CHN1: variants seen among roughly 807,000 people sequenced by gnomAD.
CHN1 encodes N-chimaerin.
CHN1 carries 37 observed loss-of-function variants against 59.5 expected under a neutral mutation model. The ratio of observed to expected loss-of-function variants is 0.62; its 90% CI spans 0.48 to 0.82. The LOEUF is 0.82. CHN1 is among the 40% of genes least tolerant of loss of function. The pLI is 0.00. For synonymous variants in CHN1, 206 were observed against 200.4 expected (o/e 1.03, Z -0.24); for missense variants, 469 against 571.0 (o/e 0.82, Z 1.82).
chr2:174,935,191 T>A (rs1010933128), intron 3 of CHN1, among the ~76,000 whole-genome samples: 2 of 152,194 alleles, frequency 1.3e-5, no homozygotes, highest in African/African-American at 4.8e-5. Context: ...TCAAGGTAAG[T>A]ACTACCAACT....
At chr2:174,935,898 A>G (rs773100545) in intron 3 of CHN1, among the ~76,000 whole-genome samples, 11 of 152,176 alleles carry the variant, frequency 7.2e-5, no homozygotes, top group Non-Finnish European at 1.5e-4. Context: ...GGGCCACTGC[A>G]CTCCAGCCCA....
intron 1 of CHN1, among the ~76,000 whole-genome samples, chr2:174,973,121 TAA>T (rs1265717098): frequency 2.0e-5 from 3 of 152,174 alleles, no homozygotes; most frequent in African/African-American, 7.2e-5. Context: ...AGTAAAAGTC[TAA>T]GAGTTAGAAA....
At chr2:174,847,553 T>G (rs1203675050) in intron 6 of CHN1, 1 of 1,259,422 alleles carries the variant, frequency 7.9e-7, no homozygotes, top group African/African-American at 1.6e-5. Flanking sequence ...ACATACTGCC[T>G]GCAATCAGTT....
At chr2:174,878,674 A>C (rs564137808) in intron 5 of CHN1, among the ~76,000 whole-genome samples, 49 of 152,382 alleles carry the variant, frequency 3.2e-4, no homozygotes, top group African/African-American at 1.2e-3. Flanking sequence ...GATGGCACAG[A>C]AACACACTTT....
chr2:174,954,722 C>T (rs1390240660), intron 1 of CHN1, among the ~76,000 whole-genome samples: 1 of 152,010 alleles, frequency 6.6e-6, no homozygotes, highest in African/African-American at 2.4e-5. Context: ...CAGGGAAATG[C>T]AAATCAAAAC....
At chr2:174,845,005 C>A (rs1009664886) in intron 7 of CHN1, among the ~76,000 whole-genome samples, 1 of 151,838 alleles carries the variant, frequency 6.6e-6, no homozygotes, top group Non-Finnish European at 1.5e-5. Context: ...GTTTAGATAC[C>A]AAGGTAAGAG....
chr2:174,867,772 G>A (rs1180130035), intron 6 of CHN1, among the ~76,000 whole-genome samples: 4 of 152,044 alleles, frequency 2.6e-5, no homozygotes, highest in Non-Finnish European at 4.4e-5. Flanking sequence ...CCTAATGGTC[G>A]ATAAAGCAAA....
intron 8 of CHN1, among the ~76,000 whole-genome samples, chr2:174,815,453 C>G (rs1041259769): frequency 1.1e-4 from 17 of 152,190 alleles, no homozygotes; most frequent in Non-Finnish European, 4.4e-5. Context: ...ATCTTCACTT[C>G]AAGTTCATCT....
chr2:174,882,444 C>CA (rs1381266815), intron 5 of CHN1, among the ~76,000 whole-genome samples: 1 of 152,022 alleles, frequency 6.6e-6, no homozygotes, highest in Non-Finnish European at 1.5e-5. Context: ...ATCATATCGA[C>CA]AAAAAATTCA....
At chr2:174,967,772 T>C (rs1690640190) in intron 1 of CHN1, among the ~76,000 whole-genome samples, 1 of 152,160 alleles carries the variant, frequency 6.6e-6, no homozygotes, top group South Asian at 2.1e-4. Flanking sequence ...CTTAACCTTT[T>C]CTTAAAAGAA....
chr2:174,865,147 T>C (rs1687180943), intron 6 of CHN1, among the ~76,000 whole-genome samples: 1 of 152,218 alleles, frequency 6.6e-6, no homozygotes, highest in African/African-American at 2.4e-5. Flanking sequence ...ATTCAATGAA[T>C]TGGAATCTTC....
At chr2:174,883,729 C>A (rs1215033831) in intron 5 of CHN1, among the ~76,000 whole-genome samples, 1 of 151,690 alleles carries the variant, frequency 6.6e-6, no homozygotes, top group Non-Finnish European at 1.5e-5. Flanking sequence ...GCTCAAAAAA[C>A]CCAAAATAAG....
At chr2:174,826,347 T>G (rs1274129799) in intron 7 of CHN1, among the ~76,000 whole-genome samples, 1 of 152,198 alleles carries the variant, frequency 6.6e-6, no homozygotes, top group African/African-American at 2.4e-5. Context: ...TTTATTCTTA[T>G]GGGAATGAGT....
chr2:174,921,763 C>T (rs1689025324), intron 3 of CHN1, among the ~76,000 whole-genome samples: 1 of 152,110 alleles, frequency 6.6e-6, no homozygotes, highest in African/African-American at 2.4e-5. Context: ...GGAAAAGCCC[C>T]TTATAAAACC....
In CHN1 at chr2:174,846,553, T is replaced by C. The variant is rs2105435327; in HGVS notation, c.627+327A>G. The C allele has an allele frequency of 5.9e-6, 7 of 1,189,166 alleles. No individual in the cohort carries two copies. In the South Asian group the frequency reaches 1.3e-4, roughly 21 times the overall value. The allele number at this position is 1,189,166 out of a possible 1,614,324, so 73.7% of individuals were successfully genotyped here. Reference sequence around the variant, plus strand: ...CCTCTCATAAAATCTCCAACAGAGGTATTCAGACACATTTGTATCACAAAT... The same window carrying C: ...CCTCTCATAAAATCTCCAACAGAGGCATTCAGACACATTTGTATCACAAAT... On this transcript the variant is annotated intron_variant, in intron 7 of 12. Transcript: ENST00000409900.
At chr2:174,979,355 G>A (rs1270472614) in intron 1 of CHN1, among the ~76,000 whole-genome samples, 1 of 152,048 alleles carries the variant, frequency 6.6e-6, no homozygotes, top group Non-Finnish European at 1.5e-5. Flanking sequence ...AAGGTTTTCT[G>A]GATTGCACAC....
At chr2:174,842,414 A>G (rs981887951) in intron 7 of CHN1, among the ~76,000 whole-genome samples, 1 of 152,206 alleles carries the variant, frequency 6.6e-6, no homozygotes, top group Non-Finnish European at 1.5e-5. Context: ...AGGAACTTCA[A>G]TAAAATTTTA....
intron 6 of CHN1, among the ~76,000 whole-genome samples, chr2:174,876,840 C>T (rs1045068408): frequency 3.3e-5 from 5 of 152,114 alleles, no homozygotes; most frequent in African/African-American, 1.2e-4. Context: ...GCATTTTACG[C>T]TTGCTATCTC....
intron 1 of CHN1, among the ~76,000 whole-genome samples, chr2:174,969,901 T>C (rs74853496): frequency 0.04 from 6,070 of 152,216 alleles, 440 homozygotes; most frequent in African/African-American, 0.14. Context: ...TAAGACCCTT[T>C]CAGGAGAGGT....
Sources: allele counts gnomAD v4.1 joint callset (sites outside exome capture counted in the v4.1 genomes callset), GRCh38; gene constraint gnomAD v4.1.1; transcripts MANE v1.5; gene names NCBI Gene and HGNC (gene_info 2026-07-23, HGNC 2026-07-21).